The following SORCS3 variants were observed in gnomAD, a reference collection of about 807,000 sequenced individuals.
SORCS3 encodes VPS10 domain-containing receptor SorCS3.
In SORCS3, 57 loss-of-function variants were observed where a neutral mutation model predicts 146.3. The ratio of observed to expected loss-of-function variants is 0.39; its 90% CI spans 0.31 to 0.49. The LOEUF (loss-of-function observed/expected upper bound fraction) is 0.49. Ranked by LOEUF, SORCS3 falls within the 20% of genes least tolerant of loss-of-function variation. The pLI, the probability that SORCS3 is intolerant of heterozygous loss-of-function variation, is 0.92. For missense variants in SORCS3, 1,341 were observed against 1,575.5 expected (o/e 0.85, Z 2.52); for synonymous variants, 653 against 618.5 (o/e 1.06, Z -0.83).
rs150046804 is a variant in SORCS3 at position 104,992,344 on chromosome 10, A to C, written c.954+14851A>C. 3.1e-3 allele frequency among the ~76,000 whole-genome samples: 472 copies of C among 152,354 alleles called. 3 individuals are homozygous for C. The highest frequency in any genetic ancestry group is 0.019 in the South Asian group (93 of 4,828). ...GAACATCGAGGGATCAGAGTCTAAAAGAAGTCTCAGATGGAAACTCGTATT... is the reference window on the plus strand; with the variant it reads ...GAACATCGAGGGATCAGAGTCTAAACGAAGTCTCAGATGGAAACTCGTATT... On this transcript the variant is annotated intron_variant, in intron 4 of 26. Coordinates refer to ENST00000369701, the MANE Select transcript of SORCS3 (RefSeq NM_014978.3).
At chr10:104,667,246 TCCCGAGCTCAC>T (rs1198169211) in intron 1 of SORCS3, among the ~76,000 whole-genome samples, 3 of 152,194 alleles carry the variant, frequency 2.0e-5, no homozygotes, top group Non-Finnish European at 2.9e-5. Context: ...GTACTGACTT[TCCCGAGCTCAC>T]GTGCTGGGCC....
At chr10:105,259,729 T>A (rs1191164405) in intron 25 of SORCS3, among the ~76,000 whole-genome samples, 2 of 152,214 alleles carry the variant, frequency 1.3e-5, no homozygotes, top group Admixed American at 6.5e-5. Flanking sequence ...TTCCACTGTT[T>A]TTTTAGGAGG....
intron 20 of SORCS3, among the ~76,000 whole-genome samples, chr10:105,224,110 T>C (rs1449678704): frequency 6.6e-6 from 1 of 152,210 alleles, no homozygotes; most frequent in African/African-American, 2.4e-5. Flanking sequence ...AGTCCATAGT[T>C]TACTTTAGAT....
chr10:105,075,827 C>G (rs1474010593), intron 5 of SORCS3, among the ~76,000 whole-genome samples: 1 of 152,142 alleles, frequency 6.6e-6, no homozygotes, highest in Non-Finnish European at 1.5e-5. Flanking sequence ...CCAGCAACCT[C>G]TTCAATTTGC....
At chr10:104,828,390 C>A (rs1435614510) in intron 1 of SORCS3, among the ~76,000 whole-genome samples, 1 of 152,032 alleles carries the variant, frequency 6.6e-6, no homozygotes, top group Non-Finnish European at 1.5e-5. Context: ...TGGGGAACAG[C>A]CGATCAGTGG....
At chr10:105,214,141 G>C (rs1201120043) in intron 17 of SORCS3, among the ~76,000 whole-genome samples, 1 of 152,126 alleles carries the variant, frequency 6.6e-6, no homozygotes, top group African/African-American at 2.4e-5. Flanking sequence ...TGTTGTGTGA[G>C]TCAGACATTG....
intron 2 of SORCS3, among the ~76,000 whole-genome samples, chr10:104,894,949 G>A (rs956878522): frequency 6.6e-6 from 1 of 152,214 alleles, no homozygotes; most frequent in Admixed American, 6.5e-5. Context: ...GCTGGATAAA[G>A]TTTGGGAGTC....
intron 5 of SORCS3, among the ~76,000 whole-genome samples, chr10:105,063,208 T>A (rs1039263328): frequency 1.3e-5 from 2 of 152,230 alleles, no homozygotes; most frequent in Admixed American, 1.3e-4. Context: ...GGCTGTATAA[T>A]GACTAAGAAT....
intron 8 of SORCS3, among the ~76,000 whole-genome samples, chr10:105,142,623 C>A (rs2056103210): frequency 6.6e-6 from 1 of 152,192 alleles, no homozygotes; most frequent in African/African-American, 2.4e-5. Context: ...TGAGAATCAG[C>A]TGACCCCAAA....
intron 1 of SORCS3, among the ~76,000 whole-genome samples, chr10:104,700,996 T>C (rs1228224715): frequency 1.3e-5 from 2 of 152,130 alleles, no homozygotes; most frequent in Non-Finnish European, 2.9e-5. Flanking sequence ...GAAGAAGAGG[T>C]TGAAGTTCTT....
chr10:105,080,802 AC>A (rs1274516214), intron 5 of SORCS3, among the ~76,000 whole-genome samples: 4 of 152,170 alleles, frequency 2.6e-5, no homozygotes, highest in Non-Finnish European at 5.9e-5. Context: ...TGATACTGGT[AC>A]AAAAACAGAC....
At chr10:104,749,226 GGTGTGT>G (rs60550253) in intron 1 of SORCS3, among the ~76,000 whole-genome samples, 5,256 of 140,946 alleles carry the variant, frequency 0.037, 108 homozygotes, top group African/African-American at 0.063. Flanking sequence ...CAAAGTATAG[GGTGTGT>G]GTGTGTGTGT....
intron 1 of SORCS3, among the ~76,000 whole-genome samples, chr10:104,781,614 A>T (rs904873555): frequency 1.3e-5 from 2 of 152,250 alleles, no homozygotes; most frequent in Admixed American, 1.3e-4. Flanking sequence ...AAACAAAACC[A>T]CACAGAACAA....
intron 7 of SORCS3, among the ~76,000 whole-genome samples, chr10:105,106,869 A>G (rs1177544393): frequency 6.6e-6 from 1 of 152,146 alleles, no homozygotes; most frequent in African/African-American, 2.4e-5. Context: ...GTGTTTGTTT[A>G]TTGAACACAT....
chr10:104,988,379 T>A (rs2054974450), intron 4 of SORCS3, among the ~76,000 whole-genome samples: 1 of 152,184 alleles, frequency 6.6e-6, no homozygotes, highest in Non-Finnish European at 1.5e-5. Flanking sequence ...TATGGCATAT[T>A]TCTCAGCTGG....
At chr10:105,179,949 A>G (rs1402950901) in intron 14 of SORCS3, among the ~76,000 whole-genome samples, 1 of 152,220 alleles carries the variant, frequency 6.6e-6, no homozygotes, top group Non-Finnish European at 1.5e-5. Flanking sequence ...CCTTACTGTT[A>G]ACCCTGATTC....
At chr10:104,983,836 T>G (rs1301648953) in intron 4 of SORCS3, among the ~76,000 whole-genome samples, 1 of 152,046 alleles carries the variant, frequency 6.6e-6, no homozygotes, top group African/African-American at 2.4e-5. Flanking sequence ...ATTCTCTGCC[T>G]ATATCTTGAC....
rs771029154 is a variant in SORCS3, at chr10:104,671,325, C to CT, written c.627+29398dup. 3.9e-3 allele frequency among the ~76,000 whole-genome samples: 75 copies of CT among 19,188 alleles called. 21 individuals carry two copies. The highest frequency in any genetic ancestry group is 0.013 in the African/African-American group (67 of 5,268). 12.6% of individuals were successfully genotyped at this position (19,188 alleles called of 152,430 possible). On this transcript the variant is annotated intron_variant, in intron 1 of 26. Coordinates refer to ENST00000369701, the MANE Select transcript of SORCS3 (RefSeq NM_014978.3). ...ATGTTAAGGTAGTTTCATTCTTTTC[C>CT]TTTTTTTTTTTTTTTTTTTTTTTTT...
intron 1 of SORCS3, among the ~76,000 whole-genome samples, chr10:104,659,945 AG>A (rs1418068809): frequency 1.3e-5 from 2 of 151,994 alleles, no homozygotes; most frequent in Non-Finnish European, 2.9e-5. Context: ...AGGATCGGGG[AG>A]GGAGGACTAT....
Sources: allele counts gnomAD v4.1 joint callset (sites outside exome capture counted in the v4.1 genomes callset), GRCh38; gene constraint gnomAD v4.1.1; transcripts MANE v1.5; gene names NCBI Gene and HGNC (gene_info 2026-07-23, HGNC 2026-07-21).